The following DPYD variants were observed in gnomAD, a reference collection of about 807,000 sequenced individuals.
DPYD encodes the protein dihydropyrimidine dehydrogenase [NADP(+)].
In DPYD, 109 loss-of-function variants were observed where a neutral mutation model predicts 116.2. That is an observed-to-expected ratio of 0.94 (90% confidence interval 0.80 to 1.10). The LOEUF is 1.10. Ranked by LOEUF, DPYD falls within the 50% of genes least tolerant of loss-of-function variation. The pLI is 0.00. For synonymous variants in DPYD, 440 were observed against 432.0 expected (o/e 1.02, Z -0.23); for missense variants, 1,302 against 1,254.5 (o/e 1.04, Z -0.57).
intron 5 of DPYD, among the ~76,000 whole-genome samples, chr1:97,714,299 T>C (rs1174631648): frequency 6.6e-6 from 1 of 152,012 alleles, no homozygotes; most frequent in Non-Finnish European, 1.5e-5. Context: ...TTGCAACCTC[T>C]GCCTCCAGGT....
At chr1:97,578,137 C>T (rs1418881751) in intron 10 of DPYD, among the ~76,000 whole-genome samples, 1 of 152,016 alleles carries the variant, frequency 6.6e-6, no homozygotes, top group Non-Finnish European at 1.5e-5. Context: ...TAAGACACCA[C>T]GCCCAGCCAT....
In DPYD at chr1:97,079,015, T is replaced by C; in HGVS notation, c.3039A>G (p.Pro1013=). The C allele has an allele frequency of 6.2e-7, 1 of 1,613,740 alleles. No homozygotes were observed. Among genetic ancestry groups the C allele is most frequent in the Non-Finnish European group, 8.5e-7 (1 of 1,179,704 alleles). Residue 1013 remains proline (P), a synonymous_variant, in exon 23 of 23, where the codon CCA becomes CCG. Coordinates refer to ENST00000370192, the MANE Select transcript of DPYD (RefSeq NM_000110.4). The stretch of plus-strand genomic sequence containing the variant: ...TCACAGATAAGGGTACGCCTCTCTT[T>C]GGTTCATAAGGTGTTGTCCTGGAAA... The part of the protein sequence containing the change: ...KMVSRTTPYE[P]KRGVPLSVNP...
chr1:97,696,480 T>C (rs961894964), intron 6 of DPYD, among the ~76,000 whole-genome samples: 11 of 152,162 alleles, frequency 7.2e-5, no homozygotes, highest in African/African-American at 2.7e-4. Flanking sequence ...TTCTGAAGAC[T>C]GCATGGTGAG....
At chr1:97,555,486 C>T (rs972073027) in intron 11 of DPYD, among the ~76,000 whole-genome samples, 4 of 152,090 alleles carry the variant, frequency 2.6e-5, no homozygotes, top group Non-Finnish European at 5.9e-5. Context: ...CCTGGGCCTT[C>T]CCACCTCATG....
chr1:97,887,315 C>T (rs149986635), intron 1 of DPYD, among the ~76,000 whole-genome samples: 1,609 of 151,018 alleles, frequency 0.011, 23 homozygotes, highest in Non-Finnish European at 0.018. Context: ...ATAAAAAATA[C>T]AAAAATTAGC....
intron 2 of DPYD, among the ~76,000 whole-genome samples, chr1:97,873,195 C>CTGGA (rs1349540668): frequency 6.6e-6 from 1 of 151,872 alleles, no homozygotes; most frequent in Non-Finnish European, 1.5e-5. Flanking sequence ...ATCACAGTGG[C>CTGGA]TGGAACATGT....
intron 12 of DPYD, among the ~76,000 whole-genome samples, chr1:97,526,736 T>C (rs1370928765): frequency 6.6e-6 from 1 of 152,204 alleles, no homozygotes; most frequent in Non-Finnish European, 1.5e-5. Flanking sequence ...AAGGTGCTCA[T>C]GTGGACCTCT....
intron 20 of DPYD, among the ~76,000 whole-genome samples, chr1:97,185,590 G>A (rs1657939578): frequency 1.3e-5 from 2 of 152,106 alleles, no homozygotes; most frequent in Non-Finnish European, 2.9e-5. Context: ...ACAACTTAGA[G>A]TAAATAAATT....
rs1674525853 is a variant in DPYD at position 97,420,575 on chromosome 1, C to T, written c.1905+29484G>A. 1.3e-5 allele frequency among the ~76,000 whole-genome samples: 2 copies of T among 152,018 alleles called. 1 individual carries two copies. Among genetic ancestry groups the T allele is most frequent in the Admixed American group, 1.3e-4 (2 of 15,234 alleles). On this transcript the variant is annotated intron_variant, in intron 14 of 22. Transcript: ENST00000370192. ...AATCTCTCACTAGTTCTCCACCTCT[C>T]CAGGGTAAAGCTGAAACTCCTAGGC...
chr1:97,747,391 A>T (rs1430878554), intron 3 of DPYD, among the ~76,000 whole-genome samples: 1 of 152,178 alleles, frequency 6.6e-6, no homozygotes, highest in African/African-American at 2.4e-5. Context: ...GCTCTGCTTT[A>T]TGTCCTGGAG....
intron 8 of DPYD, among the ~76,000 whole-genome samples, chr1:97,655,365 A>C (rs1237610337): frequency 2.0e-5 from 3 of 152,152 alleles, no homozygotes; most frequent in Non-Finnish European, 4.4e-5. Context: ...TGGTCTCTTG[A>C]AGCTTAGCTC....
chr1:97,342,209 T>C (rs1362102571), intron 16 of DPYD, among the ~76,000 whole-genome samples: 1 of 152,208 alleles, frequency 6.6e-6, no homozygotes, highest in East Asian at 1.9e-4. Context: ...AAAATAGTAC[T>C]TTTGCTTAAG....
intron 14 of DPYD, among the ~76,000 whole-genome samples, chr1:97,447,352 T>C (rs1009181542): frequency 5.3e-5 from 8 of 152,194 alleles, no homozygotes; most frequent in African/African-American, 1.9e-4. Flanking sequence ...TTCATTCAGC[T>C]CATTGGGCAA....
intron 12 of DPYD, 90 bp downstream of exon 12, chr1:97,549,470 A>G: frequency 7.2e-7 from 1 of 1,393,370 alleles, no homozygotes; most frequent in Non-Finnish European, 1.0e-6. Flanking sequence ...TATATACCAA[A>G]TAGAAATGCT....
At chr1:97,477,686 T>C (rs1678058832) in intron 13 of DPYD, among the ~76,000 whole-genome samples, 1 of 147,558 alleles carries the variant, frequency 6.8e-6, no homozygotes, top group African/African-American at 2.5e-5. Context: ...AGTGGCGCAA[T>C]CTCGGCTCAC....
chr1:97,874,142 A>G (rs1292852013), intron 2 of DPYD, among the ~76,000 whole-genome samples: 1 of 151,928 alleles, frequency 6.6e-6, no homozygotes, highest in Non-Finnish European at 1.5e-5. Flanking sequence ...ATTATTTGAG[A>G]TACTGTTACA....
At position 97,258,470 on chromosome 1, in the gene DPYD, C is replaced by A. The variant is rs531325901; in HGVS notation, c.2300-23476G>T. 2.0e-5 allele frequency among the ~76,000 whole-genome samples: 3 copies of A among 152,240 alleles called. No individual in the cohort carries two copies. In the East Asian group the frequency reaches 5.8e-4, roughly 29 times the overall value. ...GGCTTCTGCACACTTTCTAGGAGTT[C>A]ATAATTGTGATCTAAAAGTGATACC... is the stretch of plus-strand genomic sequence containing the variant. On this transcript the variant is annotated intron_variant, in intron 18 of 22. Coordinates refer to ENST00000370192, the MANE Select transcript of DPYD (RefSeq NM_000110.4).
chr1:97,586,872 C>A (rs932231356), intron 10 of DPYD, among the ~76,000 whole-genome samples: 1 of 152,000 alleles, frequency 6.6e-6, no homozygotes, highest in African/African-American at 2.4e-5. Flanking sequence ...AATATTTATA[C>A]ACATTTCTAA....
intron 2 of DPYD, among the ~76,000 whole-genome samples, chr1:97,857,660 G>A (rs918971649): frequency 2.6e-5 from 4 of 152,112 alleles, no homozygotes; most frequent in African/African-American, 4.8e-5. Context: ...CTCTTCATCT[G>A]TATCCTTTGT....
Sources: allele counts gnomAD v4.1 joint callset (sites outside exome capture counted in the v4.1 genomes callset), GRCh38; gene constraint gnomAD v4.1.1; transcripts MANE v1.5; gene names NCBI Gene and HGNC (gene_info 2026-07-23, HGNC 2026-07-21).